GFRAL: variants seen among roughly 807,000 people sequenced by gnomAD.
GFRAL encodes the protein GDNF family receptor alpha-like.
In GFRAL, 36 loss-of-function variants were observed where a neutral mutation model predicts 45.4. The observed-to-expected ratio is 0.79, with a 90% CI of 0.61 to 1.05. The LOEUF is 1.05. Ranked by LOEUF, GFRAL falls within the 50% of genes least tolerant of loss-of-function variation. The pLI is 0.00. For missense variants in GFRAL, 507 were observed against 467.5 expected (o/e 1.08, Z -0.78); for synonymous variants, 166 against 154.1 (o/e 1.08, Z -0.57).
intron 3 of GFRAL, among the ~76,000 whole-genome samples, chr6:55,337,487 T>A (rs1044896536): frequency 6.6e-6 from 1 of 152,216 alleles, no homozygotes; most frequent in African/African-American, 2.4e-5. Context: ...TTGGTGTCAT[T>A]CCTTCCTTAC....
At chr6:55,332,843 C>A (rs1011707134) in intron 2 of GFRAL, among the ~76,000 whole-genome samples, 1 of 151,890 alleles carries the variant, frequency 6.6e-6, no homozygotes, top group Non-Finnish European at 1.5e-5. Flanking sequence ...GTATAAACTA[C>A]AAATAGAATA....
intron 3 of GFRAL, among the ~76,000 whole-genome samples, chr6:55,343,205 C>A (rs928467762): frequency 3.3e-5 from 5 of 152,124 alleles, no homozygotes; most frequent in Non-Finnish European, 7.3e-5. Context: ...ACTCTCCACC[C>A]GAAATCAACA....
intron 1 of GFRAL, among the ~76,000 whole-genome samples, chr6:55,331,023 T>C (rs116204285): frequency 0.013 from 1,986 of 152,268 alleles, 23 homozygotes; most frequent in Non-Finnish European, 0.022. Flanking sequence ...ATGAAGATCC[T>C]GTGAAAGTGT....
intron 3 of GFRAL, among the ~76,000 whole-genome samples, chr6:55,343,118 T>C (rs1767991813): frequency 1.3e-5 from 2 of 152,048 alleles, no homozygotes; most frequent in Admixed American, 6.6e-5. Flanking sequence ...GACAGATCAA[T>C]GAGACAGGAA....
intron 3 of GFRAL, among the ~76,000 whole-genome samples, chr6:55,336,962 G>A (rs1767898522): frequency 6.6e-6 from 1 of 151,576 alleles, no homozygotes; most frequent in African/African-American, 2.4e-5. Context: ...TACTTTTTTA[G>A]CCTCTATTAC....
intron 6 of GFRAL, among the ~76,000 whole-genome samples, chr6:55,387,314 C>T (rs1768692827): frequency 6.6e-6 from 1 of 152,106 alleles, no homozygotes; most frequent in Non-Finnish European, 1.5e-5. Context: ...TCATACAATC[C>T]TCTTGTTGCC....
At chr6:55,386,424 C>T (rs1768682760) in intron 6 of GFRAL, among the ~76,000 whole-genome samples, 1 of 152,040 alleles carries the variant, frequency 6.6e-6, no homozygotes, top group African/African-American at 2.4e-5. Flanking sequence ...CCACTTTGAC[C>T]AGGCACTATT....
In GFRAL at chr6:55,400,826, T is replaced by G. The variant is rs144100099; in HGVS notation, c.1122-964T>G. ...AGTACTTGAGAACACTGTTTAGTTA[T>G]TGTTCCTGCCTAGATATTCCATGAC... is the stretch of plus-strand genomic sequence containing the variant. On this transcript the variant is annotated intron_variant, in intron 8 of 8. Coordinates refer to ENST00000340465, the MANE Select transcript of GFRAL (RefSeq NM_207410.2). Among the ~76,000 whole-genome samples the G allele has an allele frequency of 3.1e-3, 478 of 152,322 alleles. 1 individual carries two copies. The highest frequency in any genetic ancestry group is 0.011 in the African/African-American group (463 of 41,582).
At chr6:55,391,968 G>T (rs1307112463) in intron 6 of GFRAL, among the ~76,000 whole-genome samples, 1 of 152,006 alleles carries the variant, frequency 6.6e-6, no homozygotes, top group African/African-American at 2.4e-5. Context: ...ATCTTGTTAA[G>T]CCTAAATTTC....
At chr6:55,327,612 T>C in intron 1 of GFRAL, 36 bp downstream of exon 1, 1 of 1,588,280 alleles carries the variant, frequency 6.3e-7, no homozygotes. Flanking sequence ...TCTGAATTAT[T>C]CATAATACTA....
At chr6:55,353,071 G>T (rs570202179) in intron 5 of GFRAL, among the ~76,000 whole-genome samples, 1 of 151,988 alleles carries the variant, frequency 6.6e-6, no homozygotes, top group Non-Finnish European at 1.5e-5. Flanking sequence ...TTTTAGAAAA[G>T]CAGTGAGGGT....
At chr6:55,357,846 G>A (rs1299728740) in intron 5 of GFRAL, among the ~76,000 whole-genome samples, 1 of 151,610 alleles carries the variant, frequency 6.6e-6, no homozygotes, top group Admixed American at 6.6e-5. Context: ...TATTTAAAAT[G>A]AATAAATAGC....
chr6:55,372,748 T>G (rs1034590251), intron 6 of GFRAL, among the ~76,000 whole-genome samples: 36 of 152,128 alleles, frequency 2.4e-4, no homozygotes, highest in Admixed American at 2.2e-3. Context: ...ATAGTCTAGC[T>G]TTGTGCCAGG....
Position 55,340,459 on chromosome 6 carries a change from C to A in GFRAL, c.316+6515C>A, listed in dbSNP as rs568990688. ...AATATTGAGCATCTCCATGATGTAT[C>A]CATTAATAAAATATTTATGTGTAAA... On this transcript the variant is annotated intron_variant, in intron 3 of 8. Coordinates refer to ENST00000340465, the MANE Select transcript of GFRAL (RefSeq NM_207410.2). Among the ~76,000 whole-genome samples, 158 of 152,168 alleles carry A rather than the reference C, an allele frequency of 1.0e-3. 1 individual carries two copies. Among genetic ancestry groups the A allele is most frequent in the African/African-American group, 3.6e-3 (151 of 41,498 alleles).
At chr6:55,390,182 A>G (rs1768729381) in intron 6 of GFRAL, among the ~76,000 whole-genome samples, 1 of 152,212 alleles carries the variant, frequency 6.6e-6, no homozygotes, top group South Asian at 2.1e-4. Context: ...CTGCAAGTCT[A>G]TTGACAGGTA....
At chr6:55,395,175 A>AAAAAAATATATATATATATATAT in intron 6 of GFRAL, among the ~76,000 whole-genome samples, 1 of 123,512 alleles carries the variant, frequency 8.1e-6, no homozygotes. Context: ...AAAAAAAAAA[A>AAAAAAATATATATATATATATAT]ATATATATAT....
chr6:55,330,720 T>G (rs570619871), intron 1 of GFRAL, among the ~76,000 whole-genome samples: 97 of 151,980 alleles, frequency 6.4e-4, no homozygotes, highest in African/African-American at 2.3e-3. Context: ...AGAAATAGTT[T>G]AAAGGATATA....
At chr6:55,343,572 G>T (rs1040930419) in intron 3 of GFRAL, among the ~76,000 whole-genome samples, 2 of 152,148 alleles carry the variant, frequency 1.3e-5, no homozygotes, top group African/African-American at 4.8e-5. Context: ...ACAAAAGAAA[G>T]CAGGAAAGAT....
At chr6:55,400,590 T>C (rs1054651787) in intron 8 of GFRAL, among the ~76,000 whole-genome samples, 1 of 152,198 alleles carries the variant, frequency 6.6e-6, no homozygotes, top group African/African-American at 2.4e-5. Flanking sequence ...ATCCACTGTT[T>C]GGACCCAATC....
Sources: gnomAD v4.1 joint callset for allele counts (sites outside exome capture counted in the v4.1 genomes callset) on GRCh38, gnomAD v4.1.1 for gene constraint, MANE v1.5 for transcripts, NCBI Gene and HGNC (gene_info 2026-07-23, HGNC 2026-07-21) for gene names.